SYMPK: variants seen among roughly 807,000 people sequenced by gnomAD.
SYMPK encodes the protein symplekin.
A neutral mutation model predicts 136.4 loss-of-function variants in SYMPK; 49 were observed. That is an observed-to-expected ratio of 0.36 (90% CI 0.29 to 0.46). The LOEUF is 0.46. Among genes scored for constraint, SYMPK ranks in the 20% least tolerant of loss-of-function variants. The pLI is 1.00. For missense variants in SYMPK, 1,365 were observed against 1,690.0 expected (o/e 0.81, Z 3.37); for synonymous variants, 766 against 713.0 (o/e 1.07, Z -1.19).
At position 45,844,107 on chromosome 19, in the gene SYMPK, A is replaced by G; in HGVS notation, c.770T>C (p.Leu257Pro). 6.2e-7 allele frequency: 1 copy of G among 1,613,100 alleles called. No homozygotes were observed. The highest frequency in any genetic ancestry group is 8.5e-7 in the Non-Finnish European group (1 of 1,179,596). ...AISSINLTTA[L>P]GSLANIARQR... ...GCGGGCGATATTGGCAAGGGAGCCCAGCGCTGTGGTCAGGTTGATGGAGGA... is the reference window on the plus strand; with the variant it reads ...GCGGGCGATATTGGCAAGGGAGCCCGGCGCTGTGGTCAGGTTGATGGAGGA... Residue 257 changes from leucine to proline, a missense_variant, in exon 8 of 27, where the codon CTG (leucine) becomes CCG (proline). By Grantham distance (98) the Leu-to-Pro change is moderately conservative (BLOSUM62 -3). Transcript: ENST00000245934.
intron 7 of SYMPK, among the ~76,000 whole-genome samples, chr19:45,845,742 T>C (rs1210191113): frequency 6.6e-6 from 1 of 152,240 alleles, no homozygotes; most frequent in Admixed American, 6.5e-5. Context: ...AATCATATGG[T>C]AGCTCAATTT....
chr19:45,852,251 C>A, intron 5 of SYMPK, 61 bp downstream of exon 5: 2 of 1,587,818 alleles, frequency 1.3e-6, no homozygotes, highest in Admixed American at 3.3e-5. Flanking sequence ...CCAGGCCAGG[C>A]CACGAGCTGA....
In SYMPK at chr19:45,815,947, C is replaced by T; in HGVS notation, c.3591G>A (p.Glu1197=). Residue 1197 remains glutamate (E), a synonymous_variant, in exon 26 of 27, where the codon GAG becomes GAA. Coordinates refer to ENST00000245934, the MANE Select transcript of SYMPK (RefSeq NM_004819.3). ...EAMDFREEGP[E]CETPGIFISM... is the part of the protein sequence containing the mutation. ...TGATGAAGATGCCCGGGGTCTCGCACTCAGGCCCCTCCTCCCGGAAATCCA... is the reference window on the plus strand; with the variant it reads ...TGATGAAGATGCCCGGGGTCTCGCATTCAGGCCCCTCCTCCCGGAAATCCA... 6.2e-7 allele frequency: 1 copy of T among 1,611,366 alleles called. No homozygotes were observed. Among genetic ancestry groups the T allele is most frequent in the Non-Finnish European group, 8.5e-7 (1 of 1,179,526 alleles).
At chr19:45,860,610 G>A (rs1420058538) in intron 1 of SYMPK, among the ~76,000 whole-genome samples, 1 of 152,036 alleles carries the variant, frequency 6.6e-6, no homozygotes, top group African/African-American at 2.4e-5. Context: ...GAATTAATAT[G>A]TATATATTAG....
chr19:45,859,087 T>G (rs1434233636), intron 1 of SYMPK, among the ~76,000 whole-genome samples: 5 of 152,056 alleles, frequency 3.3e-5, no homozygotes, highest in Non-Finnish European at 7.4e-5. Context: ...AACAGGGATT[T>G]TGTTCCTTCA....
intron 14 of SYMPK, 117 bp downstream of exon 14, chr19:45,828,853 C>T (rs1971105168): frequency 4.1e-6 from 4 of 986,872 alleles, no homozygotes; most frequent in South Asian, 3.0e-5. Flanking sequence ...GGGATGGGTG[C>T]GAGGAGGACT....
Position 45,827,636 on chromosome 19 carries a change from G to T in SYMPK, c.2068-13C>A. On this transcript the variant is annotated splice_polypyrimidine_tract_variant and intron_variant, in intron 15 of 26. Transcript: ENST00000245934. ...GATAGGTGCGACTCTGCAGCAAAAG[G>T]AAAGGGACCCGAGCTCAGCCCACCT... is the stretch of plus-strand genomic sequence containing the variant. The T allele has an allele frequency of 6.2e-7, 1 of 1,610,644 alleles. No homozygotes were observed. Among genetic ancestry groups the T allele is most frequent in the Non-Finnish European group, 8.5e-7 (1 of 1,176,870 alleles).
intron 17 of SYMPK, 85 bp from the exon 18 acceptor site, chr19:45,825,416 T>TGGAGCCGGGGAGGGCAGAGAAG: frequency 1.3e-6 from 2 of 1,498,200 alleles, no homozygotes; most frequent in Non-Finnish European, 1.8e-6. Context: ...TCTTGGGCAG[T>TGGAGCCGGGGAGGGCAGAGAAG]GGAGCCGGGG....
chr19:45,844,283 G>A, intron 7 of SYMPK, 83 bp from the exon 8 acceptor site: 1 of 1,172,064 alleles, frequency 8.5e-7, no homozygotes, highest in Non-Finnish European at 1.2e-6. Flanking sequence ...CTAAAAGGAA[G>A]GACAGATCCT....
intron 11 of SYMPK, among the ~76,000 whole-genome samples, chr19:45,832,288 C>G (rs1055294420): frequency 3.3e-5 from 5 of 152,118 alleles, no homozygotes; most frequent in African/African-American, 9.7e-5. Flanking sequence ...ATTATAGACA[C>G]CCACTGCCAC....
At chr19:45,850,946 G>A (rs1362950562) in intron 5 of SYMPK, among the ~76,000 whole-genome samples, 1 of 152,008 alleles carries the variant, frequency 6.6e-6, no homozygotes, top group East Asian at 1.9e-4. Flanking sequence ...GGGAGAGCCA[G>A]GTGGCAACCT....
Position 45,816,019 on chromosome 19 carries a change from A to T in SYMPK, c.3519T>A (p.Ser1173=). Residue 1173 remains serine, a synonymous_variant, in exon 26 of 27, where the codon TCT becomes TCA. Coordinates refer to ENST00000245934, the MANE Select transcript of SYMPK (RefSeq NM_004819.3). Reference sequence around the variant, plus strand: ...GGCCTGGCCGGGCCGACGGAGAGGGAGAGGGGGAGGAAGAGGAGGGGGCTC... The same window carrying T: ...GGCCTGGCCGGGCCGACGGAGAGGGTGAGGGGGAGGAAGAGGAGGGGGCTC... ...GVGAPSSSSP[S]PSPSARPGPP... is the part of the protein sequence containing the mutation. The T allele has an allele frequency of 1.3e-6, 2 of 1,594,604 alleles. No homozygotes were observed. Among genetic ancestry groups the T allele is most frequent in the South Asian group, 2.3e-5 (2 of 88,498 alleles).
At chr19:45,816,997 C>T (rs1970759417) in intron 23 of SYMPK, 23 bp from the exon 24 acceptor site, 2 of 1,550,702 alleles carry the variant, frequency 1.3e-6, no homozygotes, top group East Asian at 4.8e-5. Context: ...GGGAGGGAGC[C>T]GTCGGGAGAG....
intron 23 of SYMPK, 48 bp from the exon 24 acceptor site, chr19:45,817,022 C>A: frequency 2.0e-6 from 3 of 1,529,734 alleles, no homozygotes; most frequent in Non-Finnish European, 2.6e-6. Context: ...ACAGGCATCC[C>A]CCCGAGCCTT....
At position 45,821,831 on chromosome 19, in the gene SYMPK, G is replaced by A. The variant is rs1400516024; in HGVS notation, c.2792-346C>T. 6.6e-6 allele frequency among the ~76,000 whole-genome samples: 1 copy of A among 152,186 alleles called. No individual in the cohort carries two copies. Among genetic ancestry groups the A allele is most frequent in the Non-Finnish European group, 1.5e-5 (1 of 68,042 alleles). On this transcript the variant is annotated intron_variant, in intron 21 of 26. Coordinates refer to ENST00000245934, the MANE Select transcript of SYMPK (RefSeq NM_004819.3). The surrounding 1 kb of genome is among the most constrained non-coding windows in gnomAD (Gnocchi z 4.4). ...CCAACACAGACTCCACCGCGGCACA[G>A]GGGGTCATGGGCATTTGTGGCACAG...
rs182432669 is a variant in SYMPK, at chr19:45,846,223, G to A, written c.676+1529C>T. Reference sequence around the variant, plus strand: ...TGCACTCCAGCCTGGGTGAAAGAGCGAGACTCCGTCTCAAAAAATAAAAGT... The same window carrying A: ...TGCACTCCAGCCTGGGTGAAAGAGCAAGACTCCGTCTCAAAAAATAAAAGT... On this transcript the variant is annotated intron_variant, in intron 7 of 26. Coordinates refer to ENST00000245934, the MANE Select transcript of SYMPK (RefSeq NM_004819.3). 2.2e-3 allele frequency among the ~76,000 whole-genome samples: 336 copies of A among 152,312 alleles called. 1 individual carries two copies. Among genetic ancestry groups the A allele is most frequent in the African/African-American group, 7.4e-3 (306 of 41,552 alleles).
intron 11 of SYMPK, among the ~76,000 whole-genome samples, chr19:45,832,738 G>A (rs1275499842): frequency 6.6e-6 from 1 of 151,850 alleles, no homozygotes; most frequent in East Asian, 1.9e-4. Flanking sequence ...GGCTGGGCGT[G>A]GTGGCTCACA....
chr19:45,829,194 C>A lies in SYMPK; in HGVS notation c.1761G>T (p.Lys587Asn). The stretch of plus-strand genomic sequence containing the variant: ...ACTGTGTCACCAGGCTGGCCAGGAT[C>A]TTTATGCGGACCTGGTGGGAGGGTG... ...ACSGAAQVRI[K>N]ILASLVTQFN... Residue 587 changes from lysine (K) to asparagine (N), a missense_variant, in exon 14 of 27, where the codon AAG (lysine) becomes AAT (asparagine). Lys to Asn is a moderately conservative substitution (Grantham distance 94). This residue lies in a region of SYMPK where 303 missense variants were observed against 326.6 expected (regional missense o/e 0.93). Transcript: ENST00000245934. The A allele has an allele frequency of 6.2e-7, 1 of 1,613,416 alleles. No homozygotes were observed. Among genetic ancestry groups the A allele is most frequent in the African/African-American group, 1.3e-5 (1 of 75,024 alleles).
rs374216465 is a variant in SYMPK, at chr19:45,838,595, C to T, written c.1108G>A (p.Asp370Asn). ...CCTGGCTCCAAGTCTTTGTCCTCAT[C>T]GTCCTCCCCCAGGTTGGGCTCTGGG... Reference protein sequence around the residue: ...MKLEPNLGEDDEDKDLEPGPS... With the variant: ...MKLEPNLGEDNEDKDLEPGPS... Residue 370 changes from aspartate to asparagine, a missense_variant, in exon 10 of 27, where the codon GAT (aspartate) becomes AAT (asparagine). Physicochemically the swap from Asp to Asn is conservative, Grantham distance 23 (BLOSUM62 1). Around this residue, in one of 11 missense-constraint regions of SYMPK, gnomAD observed 111 missense variants for 141.2 expected, o/e 0.79. Coordinates refer to ENST00000245934, the MANE Select transcript of SYMPK (RefSeq NM_004819.3). The T allele has an allele frequency of 3.7e-6, 6 of 1,613,830 alleles. No homozygotes were observed. Among genetic ancestry groups the T allele is most frequent in the Admixed American group, 1.7e-5 (1 of 59,994 alleles).
Sources: allele counts gnomAD v4.1 joint callset (sites outside exome capture counted in the v4.1 genomes callset), GRCh38; gene constraint gnomAD v4.1.1; regional missense constraint gnomAD v4.1.1; non-coding constraint Gnocchi (gnomAD v3.1); transcripts MANE v1.5; gene names NCBI Gene and HGNC (gene_info 2026-07-23, HGNC 2026-07-21).